The following MMRN1 variants were observed in gnomAD, a reference collection of about 807,000 sequenced individuals.
MMRN1 encodes multimerin-1.
In MMRN1, 94 loss-of-function variants were observed where a neutral mutation model predicts 100.7. That is an observed-to-expected ratio of 0.93 (90% CI 0.79 to 1.11). MMRN1 has a LOEUF of 1.11. Ranked by LOEUF, MMRN1 falls within the 50% of genes least tolerant of loss-of-function variation. MMRN1 has a pLI of 0.00. For synonymous variants in MMRN1, 575 were observed against 505.0 expected, an observed-to-expected ratio of 1.14 and a Z score of -1.86; for missense variants, 1,606 against 1,439.1, an observed-to-expected ratio of 1.12 and a Z score of -1.88.
At chr4:89,934,439 A>G (rs1266056318) in intron 5 of MMRN1, among the ~76,000 whole-genome samples, 1 of 152,172 alleles carries the variant, frequency 6.6e-6, no homozygotes, top group Non-Finnish European at 1.5e-5. Context: ...ATTATTTACT[A>G]AGGCAGAAAG....
chr4:89,893,478 A>G (rs1264677625), upstream of MMRN1, among the ~76,000 whole-genome samples: 1 of 152,136 alleles, frequency 6.6e-6, no homozygotes, highest in Non-Finnish European at 1.5e-5. Flanking sequence ...TCTACAATAA[A>G]ACATAACCAA....
chr4:89,890,233 CT>C (rs111715316), upstream of MMRN1, among the ~76,000 whole-genome samples: 7,523 of 133,090 alleles, frequency 0.057, 261 homozygotes, highest in African/African-American at 0.1. Context: ...TTTTATTTTG[CT>C]TTTTTTTTTT....
chr4:89,896,688 A>G (rs567741020), intron 1 of MMRN1, among the ~76,000 whole-genome samples: 1 of 152,282 alleles, frequency 6.6e-6, no homozygotes, highest in South Asian at 2.1e-4. Context: ...CACACCTGCT[A>G]TGTGAAAGAC....
chr4:89,902,358 A>G (rs989313154), intron 1 of MMRN1, among the ~76,000 whole-genome samples: 1 of 123,860 alleles, frequency 8.1e-6, no homozygotes, highest in African/African-American at 4.2e-5. Flanking sequence ...TATAGAAGAG[A>G]AAAAAAACAA....
At chr4:89,946,718 A>G (rs1046522817) in intron 6 of MMRN1, among the ~76,000 whole-genome samples, 8 of 152,168 alleles carry the variant, frequency 5.3e-5, no homozygotes, top group African/African-American at 1.7e-4. Context: ...GTGCTCTCCA[A>G]TTAGTTCAAA....
chr4:89,908,479 A>G (rs1338066497), intron 1 of MMRN1, among the ~76,000 whole-genome samples: 1 of 151,492 alleles, frequency 6.6e-6, no homozygotes, highest in Non-Finnish European at 1.5e-5. Flanking sequence ...GAAAATTGAC[A>G]TATTTGCATT....
chr4:89,892,909 T>C (rs961533194), upstream of MMRN1, among the ~76,000 whole-genome samples: 12 of 152,014 alleles, frequency 7.9e-5, no homozygotes, highest in Non-Finnish European at 2.9e-5. Context: ...ATTTTGGCAG[T>C]TTTGTAAATC....
At chr4:89,928,170 C>T (rs776155433) in intron 5 of MMRN1, among the ~76,000 whole-genome samples, 60 of 152,064 alleles carry the variant, frequency 3.9e-4, no homozygotes, top group Non-Finnish European at 7.5e-4. Flanking sequence ...ATACTGAAGT[C>T]TTTGACTGAA....
chr4:89,879,718 T>A (rs937071856), intron 1 of MMRN1: 1 of 152,182 alleles, frequency 6.6e-6, no homozygotes, highest in Admixed American at 6.6e-5. Flanking sequence ...GTAGTTTAGC[T>A]CTTTGTGTAA....
intron 3 of MMRN1, among the ~76,000 whole-genome samples, chr4:89,913,595 A>T (rs1347705788): frequency 6.6e-6 from 1 of 151,230 alleles, no homozygotes; most frequent in Admixed American, 6.6e-5. Flanking sequence ...GTGTCCTGCC[A>T]CTCTCATTTT....
chr4:89,894,848 C>T, upstream of MMRN1: 1 of 1,451,582 alleles, frequency 6.9e-7, no homozygotes, highest in Non-Finnish European at 9.1e-7. Context: ...AACCTGTTTC[C>T]TCTACACATC....
rs777350007 is a variant in MMRN1 at position 89,936,434 on chromosome 4, T to C, written c.2754T>C (p.Phe918=). The C allele has an allele frequency of 6.2e-7, 1 of 1,610,146 alleles. No individual in the cohort carries two copies. The highest frequency in any genetic ancestry group is 1.3e-5 in the African/African-American group (1 of 74,688). ...AKSIHLSINF[F]SLNKTLHEVL... The stretch of plus-strand genomic sequence containing the variant: ...CTATCCATCTTTCAATTAACTTCTT[T>C]TCGCTTAACAAAACTCTCCACGAAG... Residue 918 remains phenylalanine (F), a synonymous_variant, in exon 6 of 8, where the codon TTT becomes TTC. Coordinates refer to ENST00000264790, the MANE Select transcript of MMRN1 (RefSeq NM_007351.3).
Position 89,935,546 on chromosome 4 carries a change from T to C in MMRN1, c.1866T>C (p.Ala622=). 1 of 1,613,208 alleles carries C rather than the reference T, an allele frequency of 6.2e-7. No individual in the cohort carries two copies. Among genetic ancestry groups the C allele is most frequent in the Non-Finnish European group, 8.5e-7 (1 of 1,179,670 alleles). The change falls in exon 6 of 8, where the codon GCT becomes GCC. Residue 622 remains alanine, a synonymous_variant. Coordinates refer to ENST00000264790, the MANE Select transcript of MMRN1 (RefSeq NM_007351.3). ...ENLHVLNQTL[A]EVLFPMDNKM... ...TACATGTGTTAAATCAAACATTGGCTGAAGTTCTCTTTCCAATGGACAATA... is the reference window on the plus strand; with the variant it reads ...TACATGTGTTAAATCAAACATTGGCCGAAGTTCTCTTTCCAATGGACAATA...
chr4:89,884,242 C>A (rs1410219312), intron 1 of MMRN1, among the ~76,000 whole-genome samples: 1 of 152,034 alleles, frequency 6.6e-6, no homozygotes, highest in Non-Finnish European at 1.5e-5. Context: ...CAACAAAAAT[C>A]TGCTAAGATT....
At chr4:89,904,180 ACT>A (rs1721483565) in intron 1 of MMRN1, among the ~76,000 whole-genome samples, 1 of 147,634 alleles carries the variant, frequency 6.8e-6, no homozygotes, top group Non-Finnish European at 1.5e-5. Context: ...TTCTTCTTCA[ACT>A]CTCTCTGATT....
chr4:89,911,198 T>C (rs898476691), intron 2 of MMRN1, among the ~76,000 whole-genome samples: 3 of 151,458 alleles, frequency 2.0e-5, no homozygotes, highest in Non-Finnish European at 3.0e-5. Flanking sequence ...AAGACTAATA[T>C]GGCCAAATTG....
intron 1 of MMRN1, among the ~76,000 whole-genome samples, chr4:89,901,667 G>A (rs1413927361): frequency 6.6e-6 from 1 of 152,068 alleles, no homozygotes; most frequent in East Asian, 1.9e-4. Context: ...TGAAATAGAT[G>A]TCTCTATTAC....
rs140567001 is a variant in MMRN1, at chr4:89,895,481, C to G, written c.510C>G (p.Gly170=). The change falls in exon 1 of 8, where the codon GGC becomes GGG. Residue 170 remains glycine (G), a synonymous_variant. Coordinates refer to ENST00000264790, the MANE Select transcript of MMRN1 (RefSeq NM_007351.3). The part of the protein sequence containing the change: ...GGTGGIGGVG[G]TGGVGNRAPR... ...CTGGAGGCATTGGAGGCGTTGGAGG[C>G]ACTGGAGGCGTGGGAAATCGAGCCC... The G allele has an allele frequency of 4.7e-5, 76 of 1,613,810 alleles. No individual in the cohort carries two copies. The highest frequency in any genetic ancestry group is 6.4e-5 in the Non-Finnish European group (75 of 1,179,898).
chr4:89,909,593 A>T (rs2110595827), intron 2 of MMRN1, among the ~76,000 whole-genome samples, 198 bp downstream of exon 2: 1 of 151,648 alleles, frequency 6.6e-6, no homozygotes, highest in African/African-American at 2.4e-5. Flanking sequence ...CATTTGAGAT[A>T]ATGCAATACT....
Sources: allele counts gnomAD v4.1 joint callset (sites outside exome capture counted in the v4.1 genomes callset), GRCh38; gene constraint gnomAD v4.1.1; transcripts MANE v1.5; gene names NCBI Gene and HGNC (gene_info 2026-07-23, HGNC 2026-07-21).